The following UBAC2 variants were observed in gnomAD, a reference collection of about 807,000 sequenced individuals.
UBAC2 encodes the protein ubiquitin-associated domain-containing protein 2.
A neutral mutation model predicts 44.0 loss-of-function variants in UBAC2; 26 were observed. That is an observed-to-expected ratio of 0.59 (90% CI 0.43 to 0.82). UBAC2 has a LOEUF of 0.82. Among genes scored for constraint, UBAC2 ranks in the 40% least tolerant of loss-of-function variants. UBAC2 has a pLI of 0.00. For missense variants in UBAC2, 329 were observed against 419.4 expected (o/e 0.78, Z 1.88); for synonymous variants, 155 against 154.3 (o/e 1.00, Z -0.04).
At chr13:99,224,976 G>T (rs1016038429) in intron 1 of UBAC2, among the ~76,000 whole-genome samples, 27 of 152,088 alleles carry the variant, frequency 1.8e-4, no homozygotes, top group Admixed American at 6.5e-5. Flanking sequence ...TTCCACATAG[G>T]TTTCTGAGAT....
At chr13:99,318,136 C>G (rs1330015861) in intron 6 of UBAC2, 67 bp downstream of exon 6, 8 of 1,406,414 alleles carry the variant, frequency 5.7e-6, no homozygotes, top group Non-Finnish European at 4.0e-6. Flanking sequence ...GAAAATTGTC[C>G]TATTTAGATT....
At chr13:99,254,229 A>T (rs923921600) in intron 4 of UBAC2, among the ~76,000 whole-genome samples, 10 of 152,244 alleles carry the variant, frequency 6.6e-5, no homozygotes, top group African/African-American at 2.4e-4. Context: ...ATGAACTTGG[A>T]TTATTGGATA....
chr13:99,327,278 G>C (rs1031511574), intron 6 of UBAC2, among the ~76,000 whole-genome samples: 2 of 152,194 alleles, frequency 1.3e-5, no homozygotes, highest in Admixed American at 6.5e-5. Flanking sequence ...GGAAAAAGAA[G>C]TAGAGATAAG....
intron 2 of UBAC2, 126 bp downstream of exon 2, chr13:99,238,680 A>C (rs963071663): frequency 1.9e-5 from 16 of 853,524 alleles, no homozygotes; most frequent in Non-Finnish European, 2.6e-5. Flanking sequence ...ATTTATTATT[A>C]ATATTTCATT....
intron 4 of UBAC2, among the ~76,000 whole-genome samples, chr13:99,283,156 T>C (rs1482984555): frequency 3.3e-5 from 5 of 152,182 alleles, no homozygotes; most frequent in Admixed American, 6.5e-5. Flanking sequence ...CTCCTAAAAT[T>C]ATTTTGTTTA....
At chr13:99,375,888 C>T (rs951379478) in intron 8 of UBAC2, among the ~76,000 whole-genome samples, 4 of 145,788 alleles carry the variant, frequency 2.7e-5, no homozygotes, top group African/African-American at 7.7e-5. Flanking sequence ...ACCGCAACCT[C>T]GACCTCCTGG....
intron 4 of UBAC2, among the ~76,000 whole-genome samples, chr13:99,310,717 A>ATGTAAAC (rs1163698819): frequency 6.6e-6 from 1 of 152,240 alleles, no homozygotes; most frequent in Non-Finnish European, 1.5e-5. Flanking sequence ...GGTATGTGAA[A>ATGTAAAC]TGTAAACTGT....
chr13:99,297,712 A>G (rs1219173120), intron 4 of UBAC2, among the ~76,000 whole-genome samples: 4 of 152,122 alleles, frequency 2.6e-5, no homozygotes, highest in Admixed American at 1.3e-4. Flanking sequence ...AAGAATGAGG[A>G]TGGTAAGTAG....
intron 4 of UBAC2, among the ~76,000 whole-genome samples, chr13:99,262,493 A>G (rs1043899150): frequency 1.3e-5 from 2 of 152,122 alleles, no homozygotes; most frequent in Non-Finnish European, 2.9e-5. Flanking sequence ...ACCTGAGGTC[A>G]GGAGTTCGAG....
At chr13:99,371,418 C>T (rs1313563470) in intron 8 of UBAC2, among the ~76,000 whole-genome samples, 1 of 152,160 alleles carries the variant, frequency 6.6e-6, no homozygotes, top group African/African-American at 2.4e-5. Flanking sequence ...AAGGTTCTTA[C>T]TGGCATTATT....
At chr13:99,201,941 C>T (rs1415304585) in intron 1 of UBAC2, among the ~76,000 whole-genome samples, 2 of 151,862 alleles carry the variant, frequency 1.3e-5, no homozygotes, top group Non-Finnish European at 2.9e-5. Context: ...GGCGTGGTGG[C>T]GGGTGCCTGT....
At chr13:99,383,098 G>A (rs2045572033) in intron 8 of UBAC2, among the ~76,000 whole-genome samples, 1 of 152,194 alleles carries the variant, frequency 6.6e-6, no homozygotes, top group Non-Finnish European at 1.5e-5. Flanking sequence ...ACCTGGCAGT[G>A]AGGCCAGGGC....
At chr13:99,380,418 A>G (rs891250851) in intron 8 of UBAC2, among the ~76,000 whole-genome samples, 1 of 152,166 alleles carries the variant, frequency 6.6e-6, no homozygotes, top group Non-Finnish European at 1.5e-5. Flanking sequence ...CCACAGCAGT[A>G]ATTGTTAGTG....
chr13:99,290,448 G>A (rs774174166), intron 4 of UBAC2, among the ~76,000 whole-genome samples: 16 of 152,082 alleles, frequency 1.1e-4, no homozygotes, highest in Non-Finnish European at 1.5e-4. Flanking sequence ...AGGCAAGGCC[G>A]GGCGCAGTGG....
chr13:99,336,909 C>A (rs919911469), intron 6 of UBAC2, among the ~76,000 whole-genome samples: 1 of 152,096 alleles, frequency 6.6e-6, no homozygotes, highest in African/African-American at 2.4e-5. Context: ...TGGTGCCCCC[C>A]TTCCTTCCCA....
At chr13:99,271,404 A>G (rs538790224) in intron 4 of UBAC2, among the ~76,000 whole-genome samples, 48 of 152,272 alleles carry the variant, frequency 3.2e-4, no homozygotes, top group African/African-American at 1.0e-3. Flanking sequence ...ACCATCCCGT[A>G]CGTGGACAGC....
At chr13:99,323,325 A>T (rs889004785) in intron 6 of UBAC2, among the ~76,000 whole-genome samples, 2 of 152,144 alleles carry the variant, frequency 1.3e-5, no homozygotes, top group African/African-American at 4.8e-5. Flanking sequence ...GGCTAACCAG[A>T]TACAGTGGCT....
chr13:99,330,770 G>C (rs979507213), intron 6 of UBAC2, among the ~76,000 whole-genome samples: 1 of 152,070 alleles, frequency 6.6e-6, no homozygotes, highest in Non-Finnish European at 1.5e-5. Context: ...CACCATTGAG[G>C]CTGTATCTAT....
At chr13:99,232,395 GAGAGATAT>G (rs140231715) in intron 1 of UBAC2, among the ~76,000 whole-genome samples, 3 of 55,398 alleles carry the variant, frequency 5.4e-5, no homozygotes, top group Middle Eastern at 0.016. Context: ...ATCCTTAGTT[GAGAGATAT>G]AGATATATAT....
Sources: gnomAD v4.1 joint callset for allele counts (sites outside exome capture counted in the v4.1 genomes callset) on GRCh38, gnomAD v4.1.1 for gene constraint, MANE v1.5 for transcripts, NCBI Gene and HGNC (gene_info 2026-07-23, HGNC 2026-07-21) for gene names.